Variants in FBXL5 observed in about 807,000 individuals in gnomAD.
The protein encoded by FBXL5 is F-box/LRR-repeat protein 5.
FBXL5 carries 26 observed loss-of-function variants against 78.3 expected under a neutral mutation model. That is an observed-to-expected ratio of 0.33 (90% CI 0.24 to 0.46). The LOEUF (loss-of-function observed/expected upper bound fraction) is 0.46. Ranked by LOEUF, FBXL5 falls within the 20% of genes least tolerant of loss-of-function variation. The pLI, the probability that FBXL5 is intolerant of heterozygous loss-of-function variation, is 1.00. For synonymous variants in FBXL5, 295 were observed against 282.5 expected (o/e 1.04, Z -0.45); for missense variants, 710 against 829.2 (o/e 0.86, Z 1.77).
At chr4:15,621,364 A>G (rs568021960) in intron 9 of FBXL5, among the ~76,000 whole-genome samples, 1 of 152,348 alleles carries the variant, frequency 6.6e-6, no homozygotes, top group African/African-American at 2.4e-5. Flanking sequence ...AATAGCATCA[A>G]AATGTGTAAT....
chr4:15,680,404 C>G (rs1180987634), intron 1 of FBXL5, among the ~76,000 whole-genome samples: 1 of 152,188 alleles, frequency 6.6e-6, no homozygotes, highest in Non-Finnish European at 1.5e-5. Context: ...GGTGCAGTGG[C>G]TCACCCCTGT....
chr4:15,610,684 AAAC>A (rs1217935267), intron 10 of FBXL5, among the ~76,000 whole-genome samples: 2 of 152,064 alleles, frequency 1.3e-5, no homozygotes, highest in East Asian at 3.8e-4. Context: ...GTAAGCATAA[AAAC>A]AAACTGAAAC....
At chr4:15,642,954 T>A (rs1338900634) in intron 2 of FBXL5, among the ~76,000 whole-genome samples, 2 of 152,336 alleles carry the variant, frequency 1.3e-5, no homozygotes, top group East Asian at 3.9e-4. Flanking sequence ...AATCACTACA[T>A]TCTATCAATT....
chr4:15,605,988 T>C (rs1263584879), intron 10 of FBXL5, among the ~76,000 whole-genome samples, 189 bp from the exon 11 acceptor site: 1 of 152,178 alleles, frequency 6.6e-6, no homozygotes, highest in Non-Finnish European at 1.5e-5. Flanking sequence ...CTTTAATTAA[T>C]ATATCCTTCA....
chr4:15,611,104 T>C (rs1364795350), intron 10 of FBXL5, among the ~76,000 whole-genome samples: 1 of 152,128 alleles, frequency 6.6e-6, no homozygotes, highest in Non-Finnish European at 1.5e-5. Context: ...ACATTCACTT[T>C]GGCCATTCCT....
chr4:15,673,205 C>T (rs866551452), intron 1 of FBXL5, among the ~76,000 whole-genome samples: 5 of 152,030 alleles, frequency 3.3e-5, no homozygotes, highest in Non-Finnish European at 5.9e-5. Flanking sequence ...TTTGGGAGGC[C>T]GAGGTAGCTG....
intron 2 of FBXL5, among the ~76,000 whole-genome samples, chr4:15,643,878 A>G (rs930702555): frequency 2.1e-4 from 32 of 152,358 alleles, no homozygotes; most frequent in African/African-American, 7.0e-4. Flanking sequence ...CGACTTACAA[A>G]AACAGCTTTC....
chr4:15,670,431 T>C (rs1717711813), intron 1 of FBXL5, among the ~76,000 whole-genome samples: 1 of 152,254 alleles, frequency 6.6e-6, no homozygotes, highest in Non-Finnish European at 1.5e-5. Flanking sequence ...ATACAGAGAT[T>C]CCAGCTTTAA....
At chr4:15,655,153 T>TC (rs1389149201) in intron 1 of FBXL5, 51 bp downstream of exon 1, 4 of 1,315,568 alleles carry the variant, frequency 3.0e-6, no homozygotes, top group Non-Finnish European at 4.0e-6. Context: ...CCCAGCCCGC[T>TC]CCCCATCGCC....
intron 4 of FBXL5, 65 bp from the exon 5 acceptor site, chr4:15,636,741 T>C (rs1470465253): frequency 4.1e-6 from 5 of 1,226,234 alleles, no homozygotes; most frequent in African/African-American, 3.0e-5. Context: ...GAAATTACAA[T>C]TACATTTCTA....
At chr4:15,661,541 A>G (rs1717305789), upstream of FBXL5, among the ~76,000 whole-genome samples, 1 of 152,234 alleles carries the variant, frequency 6.6e-6, no homozygotes, top group Non-Finnish European at 1.5e-5. Context: ...TCTTTAGGTT[A>G]ATTCTACAAA....
upstream of FBXL5, among the ~76,000 whole-genome samples, chr4:15,656,810 A>G (rs189300667): frequency 2.2e-3 from 337 of 152,180 alleles, 2 homozygotes; most frequent in Admixed American, 4.3e-3. Flanking sequence ...TACCGTCTGT[A>G]AGCTAGTAAT....
chr4:15,638,004 T>C (rs181598293), intron 4 of FBXL5, among the ~76,000 whole-genome samples: 2 of 151,462 alleles, frequency 1.3e-5, no homozygotes, highest in East Asian at 3.9e-4. Flanking sequence ...TTCCTCTGAA[T>C]ATTACTGGAT....
chr4:15,666,285 G>C (rs1209647016), intron 1 of FBXL5, among the ~76,000 whole-genome samples: 2 of 151,750 alleles, frequency 1.3e-5, no homozygotes, highest in African/African-American at 4.8e-5. Context: ...TGTAGTCCCA[G>C]CTACTCAGGA....
chr4:15,677,194 A>T (rs181595209), intron 1 of FBXL5, among the ~76,000 whole-genome samples: 2 of 152,312 alleles, frequency 1.3e-5, no homozygotes, highest in Admixed American at 1.3e-4. Flanking sequence ...GGCTTAAAAG[A>T]TACCTTTATG....
At chr4:15,645,068 T>C (rs1715228627) in intron 1 of FBXL5, among the ~76,000 whole-genome samples, 1 of 151,968 alleles carries the variant, frequency 6.6e-6, no homozygotes, top group Admixed American at 6.6e-5. Context: ...GAGGGAAACT[T>C]GATTAGGTTA....
At chr4:15,631,438 T>C (rs1184741807) in intron 5 of FBXL5, among the ~76,000 whole-genome samples, 11 of 152,366 alleles carry the variant, frequency 7.2e-5, no homozygotes, top group African/African-American at 2.6e-4. Flanking sequence ...TACCCAGTAA[T>C]GGGATGGCTG....
At chr4:15,663,806 AT>A (rs1717417441), upstream of FBXL5, among the ~76,000 whole-genome samples, 2 of 152,196 alleles carry the variant, frequency 1.3e-5, no homozygotes, top group Admixed American at 6.5e-5. Flanking sequence ...TGAACTCACC[AT>A]TTTCTGTCCT....
chr4:15,619,080 G>A (rs1367093589), intron 9 of FBXL5, among the ~76,000 whole-genome samples: 2 of 152,106 alleles, frequency 1.3e-5, no homozygotes, highest in African/African-American at 4.8e-5. Context: ...TGAGGTAAGA[G>A]GATCACTAGG....
Sources: gnomAD v4.1 joint callset for allele counts (sites outside exome capture counted in the v4.1 genomes callset) on GRCh38, gnomAD v4.1.1 for gene constraint, MANE v1.5 for transcripts, NCBI Gene and HGNC (gene_info 2026-07-23, HGNC 2026-07-21) for gene names.